The following HOXB1 variants were observed in gnomAD, a reference collection of about 807,000 sequenced individuals.
HOXB1 encodes homeobox protein Hox-B1.
A neutral mutation model predicts 26.9 loss-of-function variants in HOXB1; 13 were observed. That is an observed-to-expected ratio of 0.48 (90% CI 0.31 to 0.77). The LOEUF (loss-of-function observed/expected upper bound fraction) is 0.77, where lower values mean the gene tolerates loss of function less well. HOXB1 is among the 30% of genes least tolerant of loss of function. HOXB1 has a pLI of 0.04. For missense variants in HOXB1, 366 were observed against 403.6 expected (o/e 0.91, Z 0.80); for synonymous variants, 168 against 170.8 (o/e 0.98, Z 0.13).
Position 48,530,201 on chromosome 17 carries a change from T to C in HOXB1, c.577+127A>G, listed in dbSNP as rs1448495349. 5 of 815,754 alleles carry C rather than the reference T, an allele frequency of 6.1e-6. No homozygotes were observed. The South Asian group carries it at 6.7e-5, about 11-fold the overall frequency. 50.5% of individuals were successfully genotyped at this position (815,754 alleles called of 1,614,324 possible). ...CTCACCTGACCTGAGACGTAGGTTG[T>C]GCTCTTACCTGTGTCTACCAGAGCC... is the stretch of plus-strand genomic sequence containing the variant. On this transcript the variant is annotated intron_variant, in intron 1 of 1. Transcript: ENST00000239174. This position sits in a 1 kb window ranked among gnomAD's most constrained non-coding sequence, Gnocchi z 6.2.
chr17:48,529,595 C>T lies in HOXB1; in HGVS notation c.858G>A (p.Gln286=), dbSNP rs1301858651. The change falls in exon 2 of 2, where the codon CAG becomes CAA. Residue 286 remains glutamine, a synonymous_variant. Transcript: ENST00000239174. The part of the protein sequence containing the change: ...PKEAAGDASD[Q]STCTSPEASP... ...AGGCTTCCGGGGAGGTGCATGTCGA[C>T]TGGTCTGAGGCATCTCCAGCTGCCT... 1 of 1,556,798 alleles carries T rather than the reference C, an allele frequency of 6.4e-7. No homozygotes were observed. The highest frequency in any genetic ancestry group is 2.3e-5 in the East Asian group (1 of 44,174).
In HOXB1 at chr17:48,530,937, G is replaced by C. The variant is rs188008075; in HGVS notation, c.-33C>G. The C allele has an allele frequency of 4.9e-6, 7 of 1,434,240 alleles. 1 individual carries two copies. The South Asian group carries it at 9.6e-5, about 20-fold the overall frequency. The allele number at this position is 1,434,240 out of a possible 1,614,324, so 88.8% of individuals were successfully genotyped here. On this transcript the variant is annotated 5_prime_UTR_variant, in exon 1 of 2. Coordinates refer to ENST00000239174, the MANE Select transcript of HOXB1 (RefSeq NM_002144.4). This position sits in a 1 kb window ranked among gnomAD's most constrained non-coding sequence, Gnocchi z 6.2. The stretch of plus-strand genomic sequence containing the variant: ...GGCCGCAGGAGGGTCGGCCCGTTTG[G>C]GGGAGACACCCTCTTGCCCTACAAC...
In HOXB1 at chr17:48,530,885, T is replaced by C. The variant is rs1598733582; in HGVS notation, c.20A>G (p.Asn7Ser). ...ACAGAGTGGGTACTCTAAGAAGGAG[T>C]TCATCCTATTATAGTCCATGCGTCA... MDYNRM[N>S]SFLEYPLCNR... is the part of the protein sequence containing the mutation. The change falls in exon 1 of 2, where the codon AAC becomes AGC. Residue 7 changes from asparagine (N) to serine (S), a missense_variant. By Grantham distance (46) the Asn-to-Ser change is conservative. Transcript: ENST00000239174. The surrounding 1 kb of genome is among the most constrained non-coding windows in gnomAD (Gnocchi z 6.2). 1.3e-6 allele frequency: 2 copies of C among 1,531,896 alleles called. No individual in the cohort carries two copies. The highest frequency in any genetic ancestry group is 2.6e-5 in the South Asian group (2 of 76,358). The allele number at this position is 1,531,896 out of a possible 1,614,324, so 94.9% of individuals were successfully genotyped here. A position where few individuals can be genotyped will look rare whatever the true frequency, so the allele number is the denominator to read the frequency against.
In HOXB1 at chr17:48,530,582, C is replaced by T; in HGVS notation, c.323G>A (p.Gly108Glu). The T allele has an allele frequency of 6.2e-7, 1 of 1,614,120 alleles. No individual in the cohort carries two copies. The highest frequency in any genetic ancestry group is 8.5e-7 in the Non-Finnish European group (1 of 1,180,018). The change falls in exon 1 of 2, where the codon GGA (glycine) becomes GAA (glutamate). Residue 108 changes from glycine (G) to glutamate (E), a missense_variant. Gly to Glu is a moderately conservative substitution (Grantham distance 98). Transcript: ENST00000239174. This position sits in a 1 kb window ranked among gnomAD's most constrained non-coding sequence, Gnocchi z 6.2. Reference sequence around the variant, plus strand: ...GTAGCTCGAGGGATGAAAATAGCCTCCGTCTCCTTCTGATTGACCCAGAGG... The same window carrying T: ...GTAGCTCGAGGGATGAAAATAGCCTTCGTCTCCTTCTGATTGACCCAGAGG... ...YYPLGQSEGD[G>E]GYFHPSSYGA...
Position 48,530,969 on chromosome 17 carries a change from G to A in HOXB1, c.-65C>T. 1 of 1,203,576 alleles carries A rather than the reference G, an allele frequency of 8.3e-7. No individual in the cohort carries two copies. The highest frequency in any genetic ancestry group is 1.5e-5 in the South Asian group (1 of 66,000). The allele number at this position is 1,203,576 out of a possible 1,614,324, so 74.6% of individuals were successfully genotyped here. A position where few individuals can be genotyped will look rare whatever the true frequency, so the allele number is the denominator to read the frequency against. On this transcript the variant is annotated 5_prime_UTR_variant, in exon 1 of 2. Transcript: ENST00000239174. The surrounding 1 kb of genome is among the most constrained non-coding windows in gnomAD (Gnocchi z 6.2). Reference sequence around the variant, plus strand: ...CACCCTCTTGCCCTACAACCTTTCGGCAGTATGTCACAGCGCTGGGGCTCG... The same window carrying A: ...CACCCTCTTGCCCTACAACCTTTCGACAGTATGTCACAGCGCTGGGGCTCG...
chr17:48,531,003 GC>G lies in HOXB1; in HGVS notation c.-100del. 1.2e-6 allele frequency: 1 copy of G among 828,918 alleles called. No homozygotes were observed. The highest frequency in any genetic ancestry group is 1.8e-6 in the Non-Finnish European group (1 of 542,910). 51.3% of individuals were successfully genotyped at this position (828,918 alleles called of 1,614,324 possible). A position where few individuals can be genotyped will look rare whatever the true frequency, so the allele number is the denominator to read the frequency against. On this transcript the variant is annotated 5_prime_UTR_variant, in exon 1 of 2. Transcript: ENST00000239174. Reference sequence around the variant, plus strand: ...CACAGCGCTGGGGCTCGAATCCATGGCCTGACCCGCTCGCCTGGGCAAGCGC... The same window carrying G: ...CACAGCGCTGGGGCTCGAATCCATGGCTGACCCGCTCGCCTGGGCAAGCGC...
chr17:48,530,008 A>C lies in HOXB1; in HGVS notation c.578-133T>G, dbSNP rs2068424658. The C allele has an allele frequency of 6.8e-6, 5 of 738,740 alleles. No individual in the cohort carries two copies. Among genetic ancestry groups the C allele is most frequent in the Non-Finnish European group, 1.1e-5 (5 of 457,972 alleles). The allele number at this position is 738,740 out of a possible 1,614,324, so 45.8% of individuals were successfully genotyped here. ...AGTACAGTTGTCAAAGTTCCCAGGGACCACCAGGTACCCCCATGGTGATCA... is the reference window on the plus strand; with the variant it reads ...AGTACAGTTGTCAAAGTTCCCAGGGCCCACCAGGTACCCCCATGGTGATCA... On this transcript the variant is annotated intron_variant, in intron 1 of 1. Coordinates refer to ENST00000239174, the MANE Select transcript of HOXB1 (RefSeq NM_002144.4). The surrounding 1 kb of genome is among the most constrained non-coding windows in gnomAD (Gnocchi z 6.2).
Position 48,530,194 on chromosome 17 carries a change from T to A in HOXB1, c.577+134A>T. 1.3e-6 allele frequency: 1 copy of A among 778,234 alleles called. No individual in the cohort carries two copies. The highest frequency in any genetic ancestry group is 2.1e-6 in the Non-Finnish European group (1 of 470,310). The allele number at this position is 778,234 out of a possible 1,614,324, so 48.2% of individuals were successfully genotyped here. A position where few individuals can be genotyped will look rare whatever the true frequency, so the allele number is the denominator to read the frequency against. ...GGGAGACCTCACCTGACCTGAGACGTAGGTTGTGCTCTTACCTGTGTCTAC... is the reference window on the plus strand; with the variant it reads ...GGGAGACCTCACCTGACCTGAGACGAAGGTTGTGCTCTTACCTGTGTCTAC... On this transcript the variant is annotated intron_variant, in intron 1 of 1. Coordinates refer to ENST00000239174, the MANE Select transcript of HOXB1 (RefSeq NM_002144.4). The surrounding 1 kb of genome is among the most constrained non-coding windows in gnomAD (Gnocchi z 6.2).
In HOXB1 at chr17:48,528,627, C is replaced by T. The variant is rs1379791472; in HGVS notation, c.*920G>A. On this transcript the variant is annotated 3_prime_UTR_variant, in exon 2 of 2. Transcript: ENST00000239174. ...TTTCCAGAAACTTAGATGGCTCCTC[C>T]TCTTTCTCAAAGGTTCAGATAAATC... 2 of 152,308 alleles carry T rather than the reference C, an allele frequency of 1.3e-5. No individual in the cohort carries two copies. The highest frequency in any genetic ancestry group is 2.9e-5 in the Non-Finnish European group (2 of 68,102). The allele number at this position is 152,308 out of a possible 1,614,324, so 9.4% of individuals were successfully genotyped here. A position where few individuals can be genotyped will look rare whatever the true frequency, so the allele number is the denominator to read the frequency against.
Position 48,530,685 on chromosome 17 carries a change from C to T in HOXB1, c.220G>A (p.Val74Met). Residue 74 changes from valine to methionine, a missense_variant, in exon 1 of 2, where the codon GTG becomes ATG. Val to Met is a conservative substitution (Grantham distance 21, BLOSUM62 1). Coordinates refer to ENST00000239174, the MANE Select transcript of HOXB1 (RefSeq NM_002144.4). This position sits in a 1 kb window ranked among gnomAD's most constrained non-coding sequence, Gnocchi z 6.2. Reference protein sequence around the residue: ...PAQQPPSTLGVPFPSSAPSGY... With the variant: ...PAQQPPSTLGMPFPSSAPSGY... Reference sequence around the variant, plus strand: ...GAGGGCGCGGAGCTGGGGAAGGGCACCCCCAGGGTCGAAGGCGGCTGCTGG... The same window carrying T: ...GAGGGCGCGGAGCTGGGGAAGGGCATCCCCAGGGTCGAAGGCGGCTGCTGG... 2 of 1,613,092 alleles carry T rather than the reference C, an allele frequency of 1.2e-6. No homozygotes were observed. Among genetic ancestry groups the T allele is most frequent in the South Asian group, 1.1e-5 (1 of 91,020 alleles).
chr17:48,529,966 A>G, intron 1 of HOXB1, 91 bp from the exon 2 acceptor site: 7 of 1,149,556 alleles, frequency 6.1e-6, no homozygotes, highest in Non-Finnish European at 8.6e-6. Context: ...CTGGACCTCC[A>G]TTTGCCATTC....
chr17:48,530,021 C>G lies in HOXB1; in HGVS notation c.578-146G>C. On this transcript the variant is annotated intron_variant, in intron 1 of 1. Coordinates refer to ENST00000239174, the MANE Select transcript of HOXB1 (RefSeq NM_002144.4). This position sits in a 1 kb window ranked among gnomAD's most constrained non-coding sequence, Gnocchi z 6.2. Reference sequence around the variant, plus strand: ...AAGTTCCCAGGGACCACCAGGTACCCCCATGGTGATCACCAAGTCTGGAGC... The same window carrying G: ...AAGTTCCCAGGGACCACCAGGTACCGCCATGGTGATCACCAAGTCTGGAGC... 1 of 697,022 alleles carries G rather than the reference C, an allele frequency of 1.4e-6. No homozygotes were observed. The allele number at this position is 697,022 out of a possible 1,614,324, so 43.2% of individuals were successfully genotyped here.
rs1219369123 is a variant in HOXB1 at position 48,530,438 on chromosome 17, T to A, written c.467A>T (p.Tyr156Phe). The A allele has an allele frequency of 6.2e-7, 1 of 1,614,010 alleles. No individual in the cohort carries two copies. Among genetic ancestry groups the A allele is most frequent in the Admixed American group, 1.7e-5 (1 of 60,006 alleles). ...NEQTASFAPA[Y>F]ADLLSEDKET... is the part of the protein sequence containing the mutation. The stretch of plus-strand genomic sequence containing the variant: ...CTTGTCCTCGGAGAGGAGATCAGCA[T>A]AGGCCGGTGCAAAGCTCGCGGTCTG... Residue 156 changes from tyrosine to phenylalanine, a missense_variant, in exon 1 of 2, where the codon TAT (tyrosine) becomes TTT (phenylalanine). Physicochemically the swap from Tyr to Phe is conservative, Grantham distance 22. Coordinates refer to ENST00000239174, the MANE Select transcript of HOXB1 (RefSeq NM_002144.4). This position sits in a 1 kb window ranked among gnomAD's most constrained non-coding sequence, Gnocchi z 6.2.
chr17:48,530,844 C>T lies in HOXB1; in HGVS notation c.61G>A (p.Ala21Thr). Residue 21 changes from alanine (A) to threonine (T), a missense_variant, in exon 1 of 2, where the codon GCC (alanine) becomes ACC (threonine). Coordinates refer to ENST00000239174, the MANE Select transcript of HOXB1 (RefSeq NM_002144.4). The surrounding 1 kb of genome is among the most constrained non-coding windows in gnomAD (Gnocchi z 6.2). ...GTTGGGGCGCTGTGGGCGCTGTAGG[C>T]GCTGGGTCCCCGGTTACAGAGTGGG... The part of the protein sequence containing the change: ...EYPLCNRGPS[A>T]YSAHSAPTSF... 3 of 1,565,394 alleles carry T rather than the reference C, an allele frequency of 1.9e-6. No homozygotes were observed. Among genetic ancestry groups the T allele is most frequent in the Non-Finnish European group, 2.6e-6 (3 of 1,159,826 alleles).
In HOXB1 at chr17:48,530,608, G is replaced by T; in HGVS notation, c.297C>A (p.Tyr99Ter). The T allele has an allele frequency of 6.2e-7, 1 of 1,614,052 alleles. No individual in the cohort carries two copies. Among genetic ancestry groups the T allele is most frequent in the Non-Finnish European group, 8.5e-7 (1 of 1,180,018 alleles). The change falls in exon 1 of 2, where the codon TAC (tyrosine) becomes TAA (stop). Residue 99 changes from tyrosine to a stop codon, truncating the protein, a stop_gained. Coordinates refer to ENST00000239174, the MANE Select transcript of HOXB1 (RefSeq NM_002144.4). LOFTEE classifies it high-confidence loss of function. The surrounding 1 kb of genome is among the most constrained non-coding windows in gnomAD (Gnocchi z 6.2). ...CGTCTCCTTCTGATTGACCCAGAGG[G>T]TAGTACTGAGAAGGCCCGTAGCTGG... Reference protein sequence around the residue: ...CSPSYGPSQYYPLGQSEGDGG... With the variant: ...CSPSYGPSQY
rs771343186 is a variant in HOXB1, at chr17:48,530,475, A to G, written c.430T>C (p.Tyr144His). Residue 144 changes from tyrosine to histidine, a missense_variant, in exon 1 of 2, where the codon TAT becomes CAT. Transcript: ENST00000239174. The surrounding 1 kb of genome is among the most constrained non-coding windows in gnomAD (Gnocchi z 6.2). ...PGPYPPQHPPYGNEQTASFAP... is the reference protein window; with the variant it reads ...PGPYPPQHPPHGNEQTASFAP... The stretch of plus-strand genomic sequence containing the variant: ...AAGCTCGCGGTCTGCTCGTTCCCAT[A>G]AGGGGGATGCTGCGGAGGATATGGC... The G allele has an allele frequency of 6.2e-7, 1 of 1,614,066 alleles. No homozygotes were observed. Among genetic ancestry groups the G allele is most frequent in the Non-Finnish European group, 8.5e-7 (1 of 1,179,954 alleles).
rs1023657929 is a variant in HOXB1 at position 48,530,652 on chromosome 17, C to T, written c.253G>A (p.Ala85Thr). ...PFPSSAPSGY[A>T]PAACSPSYGP... ...TAGCTGGGGCTGCAGGCGGCAGGAGCATACCCCGAGGGCGCGGAGCTGGGG... is the reference window on the plus strand; with the variant it reads ...TAGCTGGGGCTGCAGGCGGCAGGAGTATACCCCGAGGGCGCGGAGCTGGGG... Residue 85 changes from alanine (A) to threonine (T), a missense_variant, in exon 1 of 2, where the codon GCT becomes ACT. By Grantham distance (58) the Ala-to-Thr change is moderately conservative. Transcript: ENST00000239174. This position sits in a 1 kb window ranked among gnomAD's most constrained non-coding sequence, Gnocchi z 6.2. 6.2e-7 allele frequency: 1 copy of T among 1,613,808 alleles called. No individual in the cohort carries two copies. The highest frequency in any genetic ancestry group is 1.1e-5 in the South Asian group (1 of 91,086).
chr17:48,530,910 A>C lies in HOXB1; in HGVS notation c.-6T>G. The C allele has an allele frequency of 1.3e-6, 2 of 1,512,104 alleles. No individual in the cohort carries two copies. The highest frequency in any genetic ancestry group is 8.8e-7 in the Non-Finnish European group (1 of 1,130,672). The allele number at this position is 1,512,104 out of a possible 1,614,324, so 93.7% of individuals were successfully genotyped here. A position where few individuals can be genotyped will look rare whatever the true frequency, so the allele number is the denominator to read the frequency against. On this transcript the variant is annotated 5_prime_UTR_variant, in exon 1 of 2. Coordinates refer to ENST00000239174, the MANE Select transcript of HOXB1 (RefSeq NM_002144.4). The surrounding 1 kb of genome is among the most constrained non-coding windows in gnomAD (Gnocchi z 6.2). ...TTCATCCTATTATAGTCCATGCGTC[A>C]AGGCCGCAGGAGGGTCGGCCCGTTT...
chr17:48,529,746 A>T lies in HOXB1; in HGVS notation c.707T>A (p.Ile236Asn). The part of the protein sequence containing the change: ...KYLSRARRVE[I>N]AATLELNETQ... ...TTCATTGAGCTCCAGGGTGGCGGCA[A>T]TCTCCACCCTCCGGGCCCGGCTCAG... Residue 236 changes from isoleucine (I) to asparagine (N), a missense_variant, in exon 2 of 2, where the codon ATT becomes AAT. By Grantham distance (149) the Ile-to-Asn change is moderately radical (BLOSUM62 -3). Coordinates refer to ENST00000239174, the MANE Select transcript of HOXB1 (RefSeq NM_002144.4). 1 of 1,611,454 alleles carries T rather than the reference A, an allele frequency of 6.2e-7. No individual in the cohort carries two copies. Among genetic ancestry groups the T allele is most frequent in the South Asian group, 1.1e-5 (1 of 91,078 alleles).
Sources: gnomAD v4.1 joint callset for allele counts on GRCh38, gnomAD v4.1.1 for gene constraint, Gnocchi (gnomAD v3.1) non-coding constraint, MANE v1.5 for transcripts, NCBI Gene and HGNC (gene_info 2026-07-23, HGNC 2026-07-21) for gene names.